FBN1: variants seen among roughly 807,000 people sequenced by gnomAD.
FBN1 encodes fibrillin 1, also known as fibrillin-1.
In FBN1, 29 loss-of-function variants were observed where a neutral mutation model predicts 365.1. The ratio of observed to expected loss-of-function variants is 0.08; its 90% CI spans 0.06 to 0.11. FBN1 has a LOEUF of 0.11. Among genes scored for constraint, FBN1 ranks in the 10% least tolerant of loss-of-function variants. The probability of loss-of-function intolerance (pLI) is 1.00; values close to 1 mark genes in which losing one functional copy is unlikely to be tolerated. For synonymous variants in FBN1, 1,210 were observed against 1,270.5 expected (o/e 0.95, Z 1.01); for missense variants, 2,476 against 3,703.2 (o/e 0.67, Z 8.60).
intron 6 of FBN1, among the ~76,000 whole-genome samples, chr15:48,560,161 T>C (rs2044212602): frequency 1.3e-5 from 2 of 152,132 alleles, no homozygotes; most frequent in African/African-American, 2.4e-5. Context: ...GAAACCACGC[T>C]ACGTGTACTC....
chr15:48,492,307 C>T (rs551362791), intron 24 of FBN1, among the ~76,000 whole-genome samples, 154 bp downstream of exon 24: 1 of 152,328 alleles, frequency 6.6e-6, no homozygotes, highest in Non-Finnish European at 1.5e-5. Flanking sequence ...ATTTGAAAGA[C>T]TGTCAAAGGA....
chr15:48,501,467 T>G lies in FBN1; in HGVS notation c.2113+2320A>C, dbSNP rs184462547. On this transcript the variant is annotated intron_variant, in intron 17 of 65. Coordinates refer to ENST00000316623, the MANE Select transcript of FBN1 (RefSeq NM_000138.5). ...TATTGGACTTCCCAGGCTCCAGAACTGGGAGAAATTAATGCATTTTCTTTA... is the reference window on the plus strand; with the variant it reads ...TATTGGACTTCCCAGGCTCCAGAACGGGGAGAAATTAATGCATTTTCTTTA... Among the ~76,000 whole-genome samples, 108 of 152,334 alleles carry G rather than the reference T, an allele frequency of 7.1e-4. 1 individual carries two copies. The highest frequency in any genetic ancestry group is 2.3e-3 in the African/African-American group (94 of 41,580).
chr15:48,433,577 G>C (rs1161040486), intron 54 of FBN1, among the ~76,000 whole-genome samples: 1 of 152,160 alleles, frequency 6.6e-6, no homozygotes, highest in Non-Finnish European at 1.5e-5. Flanking sequence ...ACCTTAAATA[G>C]ATGGGAATGA....
intron 6 of FBN1, among the ~76,000 whole-genome samples, chr15:48,589,305 C>T (rs554764405): frequency 1.3e-5 from 2 of 152,160 alleles, no homozygotes; most frequent in East Asian, 1.9e-4. Context: ...CAAAGTGGGC[C>T]GAGAGGGACA....
At chr15:48,477,261 T>C (rs2043427296) in intron 32 of FBN1, among the ~76,000 whole-genome samples, 1 of 152,202 alleles carries the variant, frequency 6.6e-6, no homozygotes, top group Non-Finnish European at 1.5e-5. Flanking sequence ...TAATAGAAAT[T>C]TACAACTTTA....
chr15:48,566,497 T>C (rs1180924372), intron 6 of FBN1, among the ~76,000 whole-genome samples: 1 of 152,198 alleles, frequency 6.6e-6, no homozygotes, highest in African/African-American at 2.4e-5. Flanking sequence ...GGAAAAACCT[T>C]TGAATGTTGA....
At chr15:48,524,124 G>C (rs1474298964) in intron 9 of FBN1, among the ~76,000 whole-genome samples, 1 of 152,112 alleles carries the variant, frequency 6.6e-6, no homozygotes, top group African/African-American at 2.4e-5. Flanking sequence ...AGGAGTCGAA[G>C]AGAGAGAACA....
chr15:48,594,372 G>A (rs888960217), intron 6 of FBN1, among the ~76,000 whole-genome samples: 2 of 152,144 alleles, frequency 1.3e-5, no homozygotes, highest in Non-Finnish European at 2.9e-5. Flanking sequence ...ACAAATGCCT[G>A]AAAATCTGCC....
rs1478813051 is a variant in FBN1, at chr15:48,437,386, C to T, written c.6315G>A (p.Glu2105=). 2 of 1,612,300 alleles carry T rather than the reference C, an allele frequency of 1.2e-6. No individual in the cohort carries two copies. Among genetic ancestry groups the T allele is most frequent in the African/African-American group, 2.7e-5 (2 of 74,860 alleles). ...CATAAGGACATATCTGGCGGAAGGC[C>T]TCTGTGGTGGAGACACTCATTAATA... The part of the protein sequence containing the change: ...PCELCPTEPD[E]AFRQICPYGS... The change falls in exon 52 of 66, where the codon GAG becomes GAA. Residue 2105 remains glutamate (E), a splice_region_variant and synonymous_variant. Transcript: ENST00000316623.
chr15:48,623,491 C>T (rs1332721088), intron 2 of FBN1, among the ~76,000 whole-genome samples: 1 of 152,072 alleles, frequency 6.6e-6, no homozygotes, highest in Non-Finnish European at 1.5e-5. Context: ...AGACAAATAA[C>T]ACACATATGT....
intron 65 of FBN1, 100 bp downstream of exon 65, chr15:48,412,469 G>T: frequency 8.1e-7 from 1 of 1,232,940 alleles, no homozygotes. Context: ...TCTCCCTGGG[G>T]AGCTTTTTCA....
intron 6 of FBN1, among the ~76,000 whole-genome samples, chr15:48,557,900 A>G (rs925346599): frequency 6.6e-6 from 1 of 152,174 alleles, no homozygotes; most frequent in African/African-American, 2.4e-5. Flanking sequence ...AGCCATCACC[A>G]GGAGATGAAT....
intron 4 of FBN1, among the ~76,000 whole-genome samples, chr15:48,607,208 C>A (rs1196268739): frequency 6.6e-6 from 1 of 151,520 alleles, no homozygotes; most frequent in Non-Finnish European, 1.5e-5. Context: ...AAGAGTAAAA[C>A]AGAATGAGAA....
At chr15:48,612,789 G>T (rs541935881) in intron 3 of FBN1, among the ~76,000 whole-genome samples, 187 of 152,260 alleles carry the variant, frequency 1.2e-3, no homozygotes, top group African/African-American at 4.4e-3. Context: ...ATATGTAAAT[G>T]ACACAACCTC....
intron 40 of FBN1, 66 bp downstream of exon 40, chr15:48,465,502 T>C (rs997137064): frequency 6.4e-7 from 1 of 1,573,030 alleles, no homozygotes; most frequent in Non-Finnish European, 8.7e-7. Flanking sequence ...CTAGTAACCA[T>C]ATTCTGGTTT....
intron 11 of FBN1, among the ~76,000 whole-genome samples, chr15:48,515,786 T>G (rs2043795932): frequency 6.6e-6 from 1 of 152,146 alleles, no homozygotes; most frequent in Non-Finnish European, 1.5e-5. Context: ...AAACCTCTAG[T>G]TTGCAGAAAT....
intron 2 of FBN1, among the ~76,000 whole-genome samples, chr15:48,623,962 G>A (rs1349076168): frequency 8.4e-5 from 7 of 83,280 alleles, no homozygotes. Flanking sequence ...CACACACAAA[G>A]ACACAAACAC....
chr15:48,495,032 T>C lies in FBN1; in HGVS notation c.2677+91A>G, dbSNP rs894041565. 1.2e-5 allele frequency: 18 copies of C among 1,497,766 alleles called. No homozygotes were observed. The Middle Eastern group carries it at 1.5e-3, about 129-fold the overall frequency. 92.8% of individuals were successfully genotyped at this position (1,497,766 alleles called of 1,614,324 possible). On this transcript the variant is annotated intron_variant, in intron 22 of 65. Transcript: ENST00000316623. Reference sequence around the variant, plus strand: ...AGGATTAAATCTTTGAAAATTCTCATGTGAGCCTAGATAAATGAAATACTA... The same window carrying C: ...AGGATTAAATCTTTGAAAATTCTCACGTGAGCCTAGATAAATGAAATACTA...
At position 48,488,168 on chromosome 15, in the gene FBN1, T is replaced by C. The variant is rs773891478; in HGVS notation, c.3282A>G (p.Glu1094=). The part of the protein sequence containing the change: ...GQCVNTPGDF[E]CKCDEGYESG... ...TTTCATAGCCTTCGTCACACTTGCA[T>C]TCAAAGTCCCCAGGGGTGTTCACAC... Residue 1094 remains glutamate, a synonymous_variant, in exon 27 of 66, where the codon GAA becomes GAG. Transcript: ENST00000316623. The C allele has an allele frequency of 6.2e-7, 1 of 1,614,104 alleles. No homozygotes were observed. Among genetic ancestry groups the C allele is most frequent in the Non-Finnish European group, 8.5e-7 (1 of 1,180,048 alleles).
Sources: allele counts gnomAD v4.1 joint callset (sites outside exome capture counted in the v4.1 genomes callset), GRCh38; gene constraint gnomAD v4.1.1; transcripts MANE v1.5; gene names NCBI Gene and HGNC (gene_info 2026-07-23, HGNC 2026-07-21).